Variants in HOXB3 observed in about 807,000 individuals in gnomAD.
HOXB3 encodes the protein homeobox B3.
HOXB3 carries 17 observed loss-of-function variants against 29.2 expected under a neutral mutation model. The observed-to-expected ratio is 0.58, with a 90% CI of 0.40 to 0.87. HOXB3 has a LOEUF of 0.87. Among genes scored for constraint, HOXB3 ranks in the 40% least tolerant of loss-of-function variants. The pLI is 0.00. For missense variants in HOXB3, 637 were observed against 616.3 expected (o/e 1.03, Z -0.35); for synonymous variants, 317 against 285.9 (o/e 1.11, Z -1.10).
chr17:48,555,485 ACT>A (rs763870104), intron 3 of HOXB3, 44 bp downstream of exon 3: 3 of 702,042 alleles, frequency 4.3e-6, no homozygotes, highest in South Asian at 3.0e-5. Context: ...ATTGAGACAT[ACT>A]CTCCGCCATT....
intron 1 of HOXB3, among the ~76,000 whole-genome samples, chr17:48,589,613 C>T (rs1455530595): frequency 1.3e-5 from 2 of 152,016 alleles, no homozygotes; most frequent in African/African-American, 4.8e-5. Context: ...CCAGAGATCA[C>T]CCCAGGGCAA....
intron 2 of HOXB3, among the ~76,000 whole-genome samples, chr17:48,562,928 C>T (rs7503053): frequency 0.75 from 113,558 of 152,076 alleles, 43,866 homozygotes; most frequent in Non-Finnish European, 0.85. Flanking sequence ...CCTTACTCTG[C>T]TCGTCTTTGT....
At chr17:48,576,686 C>A in intron 1 of HOXB3, 1 of 1,535,354 alleles carries the variant, frequency 6.5e-7, no homozygotes. Context: ...CTGCCCACCC[C>A]CACCCCGAGG....
Position 48,554,444 on chromosome 17 carries a change from G to C in HOXB3, c.-159+1087C>G, listed in dbSNP as rs1355080761. 2 of 592,376 alleles carry C rather than the reference G, an allele frequency of 3.4e-6. No homozygotes were observed. The highest frequency in any genetic ancestry group is 1.9e-5 in the African/African-American group (1 of 53,618). The allele number at this position is 592,376 out of a possible 1,614,324, so 36.7% of individuals were successfully genotyped here. ...TGCAATAAACCCCAAACCATCGCGG[G>C]ACGGAGGCCAGGCGAGTGTGGAAAG... On this transcript the variant is annotated intron_variant, in intron 3 of 4. Transcript: ENST00000498678. This position sits in a 1 kb window ranked among gnomAD's most constrained non-coding sequence, Gnocchi z 4.1.
intron 2 of HOXB3, among the ~76,000 whole-genome samples, chr17:48,567,218 G>A (rs2069418492): frequency 6.6e-6 from 1 of 152,164 alleles, no homozygotes; most frequent in Non-Finnish European, 1.5e-5. Context: ...TGTTCACTTG[G>A]AGCAGAGTGT....
intron 1 of HOXB3, among the ~76,000 whole-genome samples, chr17:48,589,171 C>T (rs1410178404): frequency 6.6e-6 from 1 of 152,114 alleles, no homozygotes; most frequent in Non-Finnish European, 1.5e-5. Flanking sequence ...ACAAAGGGGA[C>T]TTTGAGGGTG....
chr17:48,556,809 GA>G (rs2144778043), intron 2 of HOXB3: 1 of 152,198 alleles, frequency 6.6e-6, no homozygotes, highest in East Asian at 1.9e-4. Flanking sequence ...AGGTGATAAG[GA>G]CATTTGTACT....
intron 1 of HOXB3, 97 bp downstream of exon 1, chr17:48,590,028 A>ACAT (rs1177317711): frequency 6.6e-6 from 1 of 152,152 alleles, no homozygotes; most frequent in African/African-American, 2.4e-5. Context: ...AATTTCCCCT[A>ACAT]CATCACCCCA....
intron 2 of HOXB3, chr17:48,556,583 CCTTTTT>C (rs2069005919): frequency 6.6e-6 from 1 of 151,330 alleles, no homozygotes; most frequent in South Asian, 2.1e-4. Context: ...CACCCCTCCC[CCTTTTT>C]CTTTTTGAGA....
At chr17:48,589,382 C>T (rs2070105557) in intron 1 of HOXB3, among the ~76,000 whole-genome samples, 2 of 152,274 alleles carry the variant, frequency 1.3e-5, no homozygotes, top group Admixed American at 1.3e-4. Context: ...TCCCCCACTC[C>T]TGGTTCAGGA....
rs76034280 is a variant in HOXB3, at chr17:48,563,034, C to T, written c.-246-7416G>A. Among the ~76,000 whole-genome samples the T allele has an allele frequency of 5.4e-4, 82 of 152,330 alleles. 1 individual carries two copies. In the East Asian group the frequency reaches 0.014, roughly 25 times the overall value. On this transcript the variant is annotated intron_variant, in intron 2 of 4. Coordinates refer to ENST00000498678, the MANE Select transcript of HOXB3 (RefSeq NM_001384749.1). Reference sequence around the variant, plus strand: ...GCTGCCAAGGTCCAGCCTCAAACCACGGATCTCCCCGATCTTCCCTACCAC... The same window carrying T: ...GCTGCCAAGGTCCAGCCTCAAACCATGGATCTCCCCGATCTTCCCTACCAC...
intron 1 of HOXB3, chr17:48,579,892 C>T (rs541024452): frequency 3.8e-6 from 2 of 520,940 alleles, no homozygotes; most frequent in Admixed American, 2.1e-5. Flanking sequence ...TTTGTGACCA[C>T]AAAATTCCTT....
chr17:48,576,445 C>T (rs935301936), intron 1 of HOXB3: 7 of 357,298 alleles, frequency 2.0e-5, no homozygotes, highest in Non-Finnish European at 3.5e-5. Context: ...TTCTTTCTTC[C>T]TTCTTCTTGC....
chr17:48,572,146 A>C (rs562518489), intron 2 of HOXB3, among the ~76,000 whole-genome samples: 1 of 152,266 alleles, frequency 6.6e-6, no homozygotes, highest in South Asian at 2.1e-4. Context: ...CCTATTTCTT[A>C]AAAGTTTCTG....
At chr17:48,567,990 CCAGACACAT>C (rs2069445251) in intron 2 of HOXB3, among the ~76,000 whole-genome samples, 1 of 152,186 alleles carries the variant, frequency 6.6e-6, no homozygotes. Flanking sequence ...TGACCACCCC[CCAGACACAT>C]CAGTCCTATA....
At chr17:48,569,379 T>A (rs1429448257) in intron 2 of HOXB3, among the ~76,000 whole-genome samples, 1 of 151,922 alleles carries the variant, frequency 6.6e-6, no homozygotes, top group Non-Finnish European at 1.5e-5. Context: ...ACCTACTACA[T>A]CTGCAGCTCC....
intron 2 of HOXB3, among the ~76,000 whole-genome samples, chr17:48,559,193 C>G (rs767462255): frequency 3.3e-4 from 50 of 152,146 alleles, no homozygotes; most frequent in Non-Finnish European, 2.6e-4. Flanking sequence ...TTTAAACCCT[C>G]TGGAACAATC....
At chr17:48,586,354 A>T (rs2070045306) in intron 1 of HOXB3, among the ~76,000 whole-genome samples, 1 of 152,140 alleles carries the variant, frequency 6.6e-6, no homozygotes, top group Admixed American at 6.5e-5. Flanking sequence ...TTCCTCTTGG[A>T]GCCTGCAATC....
intron 4 of HOXB3, 152 bp downstream of exon 4, chr17:48,551,875 A>AT: frequency 1.4e-6 from 1 of 726,752 alleles, no homozygotes; most frequent in Admixed American, 2.4e-5. Flanking sequence ...GTCAGGGGTC[A>AT]TTAGGGGGTA....
Sources: allele counts gnomAD v4.1 joint callset (sites outside exome capture counted in the v4.1 genomes callset), GRCh38; gene constraint gnomAD v4.1.1; non-coding constraint Gnocchi (gnomAD v3.1); transcripts MANE v1.5; gene names NCBI Gene and HGNC (gene_info 2026-07-23, HGNC 2026-07-21).